The following NCOA3 variants were observed in gnomAD, a reference collection of about 807,000 sequenced individuals.
NCOA3 encodes CBP-interacting protein.
A neutral mutation model predicts 158.8 loss-of-function variants in NCOA3; 51 were observed. That is an observed-to-expected ratio of 0.32 (90% CI 0.26 to 0.41). NCOA3 has a LOEUF of 0.41. Among genes scored for constraint, NCOA3 ranks in the 10% least tolerant of loss-of-function variants. NCOA3 has a pLI of 1.00. For missense variants in NCOA3, 1,510 were observed against 1,746.6 expected (o/e 0.86, Z 2.41); for synonymous variants, 537 against 592.4 (o/e 0.91, Z 1.36).
chr20:47,536,088 TA>T (rs1480674209), intron 1 of NCOA3, among the ~76,000 whole-genome samples: 3 of 152,134 alleles, frequency 2.0e-5, no homozygotes, highest in Admixed American at 6.6e-5. Flanking sequence ...GAGCACAAGA[TA>T]GGGGGGCATG....
intron 1 of NCOA3, among the ~76,000 whole-genome samples, chr20:47,509,354 A>G (rs2084078434): frequency 6.6e-6 from 1 of 152,228 alleles, no homozygotes; most frequent in East Asian, 1.9e-4. Context: ...TGATTGTGCC[A>G]TTGCACACCA....
chr20:47,649,091 G>C lies in NCOA3; in HGVS notation c.3633G>C (p.Gln1211His). 1 of 1,613,390 alleles carries C rather than the reference G, an allele frequency of 6.2e-7. No individual in the cohort carries two copies. ...CTGCGGTGATGAGGCCTATGATGCA[G>C]CCCCAGGTGAGCTCCCAGGTGAGGA... ...GGAAVMRPMM[Q>H]PQVSSQQGFL... The change falls in exon 19 of 23, where the codon CAG becomes CAC. Residue 1211 changes from glutamine to histidine, a missense_variant. Coordinates refer to ENST00000371998, the MANE Select transcript of NCOA3 (RefSeq NM_181659.3).
At chr20:47,585,551 T>C (rs567582808) in intron 2 of NCOA3, among the ~76,000 whole-genome samples, 1 of 152,346 alleles carries the variant, frequency 6.6e-6, no homozygotes, top group East Asian at 1.9e-4. Context: ...TATCTGGCTT[T>C]CTATTTTCAT....
intron 19 of NCOA3, 38 bp from the exon 20 acceptor site, chr20:47,650,944 G>T: frequency 6.3e-7 from 1 of 1,590,504 alleles, no homozygotes; most frequent in Non-Finnish European, 8.6e-7. Context: ...GCAGGTTCTT[G>T]CTATATATAT....
At chr20:47,621,463 C>A (rs2146296209) in intron 2 of NCOA3, among the ~76,000 whole-genome samples, 1 of 152,074 alleles carries the variant, frequency 6.6e-6, no homozygotes, top group East Asian at 1.9e-4. Flanking sequence ...CGTTGAACTT[C>A]TTTGGTTGAC....
intron 1 of NCOA3, among the ~76,000 whole-genome samples, chr20:47,527,641 G>C (rs537188529): frequency 6.6e-6 from 1 of 152,272 alleles, no homozygotes; most frequent in South Asian, 2.1e-4. Context: ...ATATCTAGGA[G>C]GTGGAATTGC....
chr20:47,511,532 T>G (rs1189470515), intron 1 of NCOA3, among the ~76,000 whole-genome samples: 7 of 27,912 alleles, frequency 2.5e-4, no homozygotes, highest in Admixed American at 2.5e-3. Flanking sequence ...GAGATATATA[T>G]ATATATATAT....
intron 1 of NCOA3, among the ~76,000 whole-genome samples, chr20:47,518,689 T>C (rs1465790816): frequency 6.7e-6 from 1 of 148,654 alleles, no homozygotes; most frequent in Non-Finnish European, 1.5e-5. Context: ...CCTCCCAAAA[T>C]GCTGGGATTA....
chr20:47,635,307 A>G lies in NCOA3; in HGVS notation c.1113-15A>G, dbSNP rs1456999771. 1 of 1,545,430 alleles carries G rather than the reference A, an allele frequency of 6.5e-7. No homozygotes were observed. Among genetic ancestry groups the G allele is most frequent in the Admixed American group, 2.0e-5 (1 of 49,588 alleles). On this transcript the variant is annotated splice_polypyrimidine_tract_variant and intron_variant, in intron 10 of 22. Coordinates refer to ENST00000371998, the MANE Select transcript of NCOA3 (RefSeq NM_181659.3). ...CTTAGAATTTTTTAGTAAAAGTTTG[A>G]TGTTTGTTTTGCAGAGAACAGAATG... is the stretch of plus-strand genomic sequence containing the variant.
In NCOA3 at chr20:47,633,739, C is replaced by T. The variant is rs534142516; in HGVS notation, c.964+103C>T. ...CTCGAACTCCTGGATTTAATTGACC[C>T]TTCTGCCTCAGCTTCTGAGTAGCCA... is the stretch of plus-strand genomic sequence containing the variant. On this transcript the variant is annotated intron_variant, in intron 9 of 22. Coordinates refer to ENST00000371998, the MANE Select transcript of NCOA3 (RefSeq NM_181659.3). The T allele has an allele frequency of 4.5e-5, 59 of 1,312,402 alleles. No homozygotes were observed. In the South Asian group the frequency reaches 8.3e-4, roughly 19 times the overall value. The allele number at this position is 1,312,402 out of a possible 1,614,324, so 81.3% of individuals were successfully genotyped here.
rs144713988 is a variant in NCOA3, at chr20:47,628,475, G to A, written c.823+452G>A. ...TGCCCAGGCTGGAGTGCAATGGTGC[G>A]ATCTCGGCTCACTGCAACCTCCACT... On this transcript the variant is annotated intron_variant, in intron 8 of 22. Transcript: ENST00000371998. The A allele has an allele frequency of 7.7e-3, 1,175 of 152,390 alleles. 17 individuals are homozygous for A. Among genetic ancestry groups the A allele is most frequent in the African/African-American group, 0.026 (1,053 of 40,610 alleles). 9.4% of individuals were successfully genotyped at this position (152,390 alleles called of 1,614,324 possible).
rs1173960815 is a variant in NCOA3, at chr20:47,635,551, A to G, written c.1342A>G (p.Met448Val). Reference protein sequence around the residue: ...NIASLTPGPGMQSPSSYQNNN... With the variant: ...NIASLTPGPGVQSPSSYQNNN... ...AGCTTCATTGACCCCTGGGCCAGGCATGCAATCACCATCTTCCTACCAGAA... is the reference window on the plus strand; with the variant it reads ...AGCTTCATTGACCCCTGGGCCAGGCGTGCAATCACCATCTTCCTACCAGAA... Residue 448 changes from methionine (M) to valine (V), a missense_variant, in exon 11 of 23, where the codon ATG becomes GTG. Met to Val is a conservative substitution (Grantham distance 21). Around this residue, in one of 4 missense-constraint regions of NCOA3, gnomAD observed 1,017 missense variants for 1,098.3 expected, o/e 0.93. Coordinates refer to ENST00000371998, the MANE Select transcript of NCOA3 (RefSeq NM_181659.3). The G allele has an allele frequency of 1.2e-6, 2 of 1,614,138 alleles. No individual in the cohort carries two copies. The highest frequency in any genetic ancestry group is 2.2e-5 in the South Asian group (2 of 91,084).
intron 1 of NCOA3, among the ~76,000 whole-genome samples, chr20:47,536,572 T>A (rs1166702419): frequency 6.6e-6 from 1 of 152,250 alleles, no homozygotes; most frequent in African/African-American, 2.4e-5. Context: ...AACAAATTGT[T>A]GTCATGCCTT....
chr20:47,546,353 T>G (rs1411748486), intron 1 of NCOA3, among the ~76,000 whole-genome samples: 1 of 152,166 alleles, frequency 6.6e-6, no homozygotes, highest in Non-Finnish European at 1.5e-5. Flanking sequence ...TCTTCCTGCA[T>G]TTTACTCTTG....
At chr20:47,624,106 T>A (rs1439983945) in intron 4 of NCOA3, 23 bp downstream of exon 4, 1 of 1,584,526 alleles carries the variant, frequency 6.3e-7, no homozygotes, top group South Asian at 1.1e-5. Flanking sequence ...CTCATGTCTT[T>A]TTGAACAGTG....
chr20:47,517,451 C>CTTTTTTTTTT (rs376699406), intron 1 of NCOA3, among the ~76,000 whole-genome samples: 2 of 129,280 alleles, frequency 1.5e-5, no homozygotes, highest in African/African-American at 6.3e-5. Context: ...TTTTCTTTTT[C>CTTTTTTTTTT]TTTTTTTTTT....
intron 1 of NCOA3, among the ~76,000 whole-genome samples, chr20:47,543,209 CAG>C (rs1292231234): frequency 6.6e-6 from 1 of 152,076 alleles, no homozygotes; most frequent in Non-Finnish European, 1.5e-5. Flanking sequence ...AGCTAGTGAT[CAG>C]AGAGAAGGAG....
intron 1 of NCOA3, among the ~76,000 whole-genome samples, chr20:47,542,790 C>T (rs965041897): frequency 6.6e-6 from 1 of 152,088 alleles, no homozygotes; most frequent in Admixed American, 6.6e-5. Flanking sequence ...GGCGAAACCC[C>T]ATCTATACAA....
At position 47,633,491 on chromosome 20, in the gene NCOA3, A is replaced by G. The variant is rs376489253; in HGVS notation, c.824-5A>G. ...AAGTCTTTTTTTCCTTTTTTTGTTTAATAGGAAAGGTTGTCAATATAGATA... is the reference window on the plus strand; with the variant it reads ...AAGTCTTTTTTTCCTTTTTTTGTTTGATAGGAAAGGTTGTCAATATAGATA... On this transcript the variant is annotated splice_region_variant and splice_polypyrimidine_tract_variant and intron_variant, in intron 8 of 22. Coordinates refer to ENST00000371998, the MANE Select transcript of NCOA3 (RefSeq NM_181659.3). 1.0e-5 allele frequency: 16 copies of G among 1,595,538 alleles called. No homozygotes were observed. The highest frequency in any genetic ancestry group is 1.4e-5 in the Non-Finnish European group (16 of 1,174,800).
Sources: allele counts gnomAD v4.1 joint callset (sites outside exome capture counted in the v4.1 genomes callset), GRCh38; gene constraint gnomAD v4.1.1; regional missense constraint gnomAD v4.1.1; transcripts MANE v1.5; gene names NCBI Gene and HGNC (gene_info 2026-07-23, HGNC 2026-07-21).